The following NXPE4 variants were observed in gnomAD, a reference collection of about 807,000 sequenced individuals.
The protein encoded by NXPE4 is NXPE family member 4.
Under a neutral mutation model 33.3 loss-of-function variants are expected in NXPE4, and 42 were observed. The observed-to-expected ratio is 1.26, with a 90% CI of 0.98 to 1.63. NXPE4 has a LOEUF of 1.63. NXPE4 is among the 40% of genes most tolerant of loss of function. The pLI, the probability that NXPE4 is intolerant of heterozygous loss-of-function variation, is 0.00. For missense variants in NXPE4, 709 were observed against 647.6 expected (o/e 1.09, Z -1.03); for synonymous variants, 253 against 234.9 (o/e 1.08, Z -0.71).
At chr11:114,601,159 G>T in the NXPE4 span, among the ~76,000 whole-genome samples, 4 of 151,408 alleles carry the variant, frequency 2.6e-5, no homozygotes, top group East Asian at 5.8e-4. Context: ...ATTGTATAAT[G>T]GTGAACTCTG....
the NXPE4 span, among the ~76,000 whole-genome samples, chr11:114,643,502 A>G: frequency 1.3e-5 from 2 of 152,112 alleles, no homozygotes; most frequent in Non-Finnish European, 2.9e-5. Flanking sequence ...AACACCATTT[A>G]TTAAATACGG....
intron 4 of NXPE4, among the ~76,000 whole-genome samples, chr11:114,581,359 G>A (rs1224075414): frequency 6.6e-6 from 1 of 152,114 alleles, no homozygotes; most frequent in Non-Finnish European, 1.5e-5. Context: ...AGATGGTGAT[G>A]GGCTAGTGGT....
At chr11:114,622,717 C>A in the NXPE4 span, among the ~76,000 whole-genome samples, 2 of 148,908 alleles carry the variant, frequency 1.3e-5, no homozygotes, top group Non-Finnish European at 3.0e-5. Flanking sequence ...GTGGATAATA[C>A]GTGTTCCCTC....
chr11:114,611,116 A>G, the NXPE4 span, among the ~76,000 whole-genome samples: 5 of 146,074 alleles, frequency 3.4e-5, no homozygotes, highest in Non-Finnish European at 6.0e-5. Context: ...ACCAGTGGAT[A>G]GTTAGTATTG....
chr11:114,654,104 G>T, the NXPE4 span, among the ~76,000 whole-genome samples: 1 of 152,146 alleles, frequency 6.6e-6, no homozygotes, highest in Non-Finnish European at 1.5e-5. Flanking sequence ...AGGAGATGAA[G>T]TTGGAAAGTA....
chr11:114,573,949 C>A (rs1591326401), intron 5 of NXPE4, among the ~76,000 whole-genome samples: 1 of 152,024 alleles, frequency 6.6e-6, no homozygotes, highest in Non-Finnish European at 1.5e-5. Context: ...CAAGATAGAG[C>A]ATATGATAGG....
At chr11:114,585,353 A>G (rs1949267139) in intron 2 of NXPE4, among the ~76,000 whole-genome samples, 4 of 152,076 alleles carry the variant, frequency 2.6e-5, no homozygotes. Context: ...ATTTTAAAAA[A>G]ACAAGACCTA....
the NXPE4 span, among the ~76,000 whole-genome samples, chr11:114,639,742 T>TATAAA: frequency 5.6e-4 from 65 of 116,800 alleles, no homozygotes; most frequent in Middle Eastern, 5.2e-3. Flanking sequence ...TATAAAATAA[T>TATAAA]ATATAATATA....
chr11:114,635,926 CTT>C, the NXPE4 span, among the ~76,000 whole-genome samples: 8 of 151,974 alleles, frequency 5.3e-5, no homozygotes, highest in African/African-American at 1.7e-4. Context: ...CTAAAATTCT[CTT>C]TTTTGGTGGT....
At chr11:114,598,217 A>G (rs1949600207), upstream of NXPE4, among the ~76,000 whole-genome samples, 1 of 136,358 alleles carries the variant, frequency 7.3e-6, no homozygotes, top group African/African-American at 2.8e-5. Context: ...CTTTGACCCC[A>G]TGTCTCACAT....
intron 2 of NXPE4, among the ~76,000 whole-genome samples, chr11:114,594,285 C>T (rs1335959213): frequency 6.6e-6 from 1 of 152,122 alleles, no homozygotes. Context: ...CAAAATATCT[C>T]ATCTACCCCA....
chr11:114,586,395 G>T (rs1318631584), intron 2 of NXPE4, among the ~76,000 whole-genome samples: 1 of 152,106 alleles, frequency 6.6e-6, no homozygotes, highest in African/African-American at 2.4e-5. Flanking sequence ...TATAGAAGTG[G>T]ACCCCAACTC....
rs180961843 is a variant in NXPE4, at chr11:114,580,796, T to G, written c.893-458A>C. On this transcript the variant is annotated intron_variant, in intron 4 of 5. Transcript: ENST00000375478. ...ATATAAAAAATATTAACAACTAGTTTGGCTTGGGAACTGACCAATCCAAAT... is the reference window on the plus strand; with the variant it reads ...ATATAAAAAATATTAACAACTAGTTGGGCTTGGGAACTGACCAATCCAAAT... 2.2e-3 allele frequency among the ~76,000 whole-genome samples: 331 copies of G among 152,234 alleles called. 6 individuals carry two copies. Among genetic ancestry groups the G allele is most frequent in the Non-Finnish European group, 3.2e-4 (22 of 68,002 alleles).
At chr11:114,661,977 T>A in the NXPE4 span, among the ~76,000 whole-genome samples, 1 of 151,874 alleles carries the variant, frequency 6.6e-6, no homozygotes, top group Middle Eastern at 3.2e-3. Flanking sequence ...GGAGGTGGGG[T>A]AAGATGGCAG....
chr11:114,657,464 A>G, the NXPE4 span, among the ~76,000 whole-genome samples: 1 of 152,222 alleles, frequency 6.6e-6, no homozygotes, highest in African/African-American at 2.4e-5. Flanking sequence ...TGGAAATCAC[A>G]GTATTTCATA....
chr11:114,644,251 T>TA, the NXPE4 span, among the ~76,000 whole-genome samples: 1 of 152,164 alleles, frequency 6.6e-6, no homozygotes, highest in Admixed American at 6.5e-5. Context: ...TTTATTTCTT[T>TA]CTCTTGCCTG....
At chr11:114,579,823 C>A (rs1949094100) in intron 5 of NXPE4, among the ~76,000 whole-genome samples, 1 of 152,128 alleles carries the variant, frequency 6.6e-6, no homozygotes, top group Non-Finnish European at 1.5e-5. Flanking sequence ...GTTCTAGAAG[C>A]TGGACAATTT....
the NXPE4 span, among the ~76,000 whole-genome samples, chr11:114,605,717 T>A: frequency 2.6e-5 from 4 of 151,830 alleles, no homozygotes; most frequent in Non-Finnish European, 5.9e-5. Flanking sequence ...TGTTACCTAA[T>A]GGGTAACCAC....
At chr11:114,582,128 A>G (rs2135230578) in intron 3 of NXPE4, among the ~76,000 whole-genome samples, 160 bp downstream of exon 3, 1 of 152,366 alleles carries the variant, frequency 6.6e-6, no homozygotes, top group Non-Finnish European at 1.5e-5. Flanking sequence ...GGATTACTAG[A>G]GAATGGGCAC....
Sources: gnomAD v4.1 joint callset for allele counts (sites outside exome capture counted in the v4.1 genomes callset) on GRCh38, gnomAD v4.1.1 for gene constraint, MANE v1.5 for transcripts, NCBI Gene and HGNC (gene_info 2026-07-23, HGNC 2026-07-21) for gene names.